The following RPS6KA6 variants were observed in gnomAD, a reference collection of about 807,000 sequenced individuals.
The protein encoded by RPS6KA6 is ribosomal protein S6 kinase alpha-6.
RPS6KA6 carries 27 observed loss-of-function variants against 65.4 expected under a neutral mutation model. That is an observed-to-expected ratio of 0.41 (90% confidence interval 0.30 to 0.57). The LOEUF is 0.57. RPS6KA6 is among the 20% of genes least tolerant of loss of function. RPS6KA6 has a pLI of 0.24. For synonymous variants in RPS6KA6, 190 were observed against 184.2 expected, an observed-to-expected ratio of 1.03 and a Z score of -0.26; for missense variants, 486 against 555.6, an observed-to-expected ratio of 0.87 and a Z score of 1.26.
At chrX:84,117,320 A>T (rs1277275160) in intron 10 of RPS6KA6, 64 bp downstream of exon 10, 4 of 796,373 alleles carry the variant, frequency 5.0e-6, no homozygotes, top group Admixed American at 7.8e-5. Flanking sequence ...AACCGCAATA[A>T]TTTTTTCAAA....
intron 8 of RPS6KA6, among the ~76,000 whole-genome samples, chrX:84,127,614 C>A (rs778190322): frequency 9.0e-6 from 1 of 110,957 alleles, no homozygotes; most frequent in Non-Finnish European, 1.9e-5. Flanking sequence ...AAAGACTGTT[C>A]ATCATGACCA....
intron 2 of RPS6KA6, among the ~76,000 whole-genome samples, chrX:84,157,470 A>AAAAAGT (rs1369929808): frequency 9.0e-6 from 1 of 111,640 alleles, no homozygotes; most frequent in Non-Finnish European, 1.9e-5. Context: ...TCCTTTTTTA[A>AAAAAGT]AAAAGTAAAC....
At chrX:84,171,847 G>C (rs1051738388) in intron 1 of RPS6KA6, among the ~76,000 whole-genome samples, 1 of 109,880 alleles carries the variant, frequency 9.1e-6, no homozygotes, top group Non-Finnish European at 1.9e-5. Context: ...GCCAACCCCC[G>C]ACATACCCCA....
In RPS6KA6 at chrX:84,062,080, T is replaced by A. The variant is rs1420251432; in HGVS notation, c.*2197A>T. ...GGGTACATCCAGTAGCATACCTGTA[T>A]CTTTTATACACTGTCAGTCCTCACT... On this transcript the variant is annotated 3_prime_UTR_variant, in exon 22 of 22. Coordinates refer to ENST00000262752, the MANE Select transcript of RPS6KA6 (RefSeq NM_014496.5). 1 of 111,698 alleles carries A rather than the reference T, an allele frequency of 9.0e-6. No homozygotes were observed. The highest frequency in any genetic ancestry group is 9.5e-5 in the Admixed American group (1 of 10,543). The allele number at this position is 111,698 out of a possible 1,213,427, so 9.2% of individuals were successfully genotyped here.
chrX:84,062,335 T>C lies in RPS6KA6; in HGVS notation c.*1942A>G, dbSNP rs1376711521. 3 of 111,735 alleles carry C rather than the reference T, an allele frequency of 2.7e-5. No individual in the cohort carries two copies. The East Asian group carries it at 8.4e-4, about 31-fold the overall frequency. The allele number at this position is 111,735 out of a possible 1,213,427, so 9.2% of individuals were successfully genotyped here. A position where few individuals can be genotyped will look rare whatever the true frequency, so the allele number is the denominator to read the frequency against. The stretch of plus-strand genomic sequence containing the variant: ...TTAAAATGCATCCATGGAAATAGTA[T>C]CTCTGTCCTGAAAACTTCAACACCA... On this transcript the variant is annotated 3_prime_UTR_variant, in exon 22 of 22. Coordinates refer to ENST00000262752, the MANE Select transcript of RPS6KA6 (RefSeq NM_014496.5).
At chrX:84,122,916 C>G (rs2034706341) in intron 8 of RPS6KA6, among the ~76,000 whole-genome samples, 1 of 111,587 alleles carries the variant, frequency 9.0e-6, no homozygotes. Flanking sequence ...CCAGACAGCA[C>G]AGCAACAAAA....
At position 84,063,446 on chromosome X, in the gene RPS6KA6, T is replaced by G. The variant is rs1292861169; in HGVS notation, c.*831A>C. 9.0e-6 allele frequency: 1 copy of G among 111,278 alleles called. No individual in the cohort carries two copies. Among genetic ancestry groups the G allele is most frequent in the African/African-American group, 3.3e-5 (1 of 30,632 alleles). 9.2% of individuals were successfully genotyped at this position (111,278 alleles called of 1,213,427 possible). On this transcript the variant is annotated 3_prime_UTR_variant, in exon 22 of 22. Transcript: ENST00000262752. ...GTCAGTTTATATAACACCAGGATAG[T>G]GTCAACACCACATACTTCATTTTCA...
chrX:84,093,617 C>A (rs1057007946), intron 20 of RPS6KA6, among the ~76,000 whole-genome samples: 1 of 112,231 alleles, frequency 8.9e-6, no homozygotes, highest in South Asian at 3.7e-4. Flanking sequence ...ATTACTTAAA[C>A]ACCAGATAGG....
intron 20 of RPS6KA6, among the ~76,000 whole-genome samples, chrX:84,091,426 G>A (rs1366131643): frequency 8.9e-6 from 1 of 112,368 alleles, no homozygotes; most frequent in Non-Finnish European, 1.9e-5. Context: ...TCCTAAGTGT[G>A]AAGAACAAAA....
intron 12 of RPS6KA6, among the ~76,000 whole-genome samples, chrX:84,110,571 T>A (rs974367421): frequency 1.2e-4 from 13 of 111,900 alleles, no homozygotes; most frequent in African/African-American, 4.2e-4. Context: ...TAGATTGAAC[T>A]GTAAAACCCA....
intron 8 of RPS6KA6, among the ~76,000 whole-genome samples, chrX:84,127,779 A>T (rs1037540842): frequency 6.7e-5 from 7 of 104,502 alleles, no homozygotes; most frequent in Non-Finnish European, 1.4e-4. Flanking sequence ...CTTCATGATA[A>T]AAAAAAAAAC....
At position 84,187,905 on chromosome X, in the gene RPS6KA6, C is replaced by T. The variant is rs1279749843; in HGVS notation, c.-6G>A. 8.4e-7 allele frequency: 1 copy of T among 1,188,155 alleles called. No individual in the cohort carries two copies. The highest frequency in any genetic ancestry group is 1.1e-6 in the Non-Finnish European group (1 of 882,427). ...TGAGGAGCGAATGGTAGCATCTCCCCTTCAGGAGCACTCAAACAGGAGCTG... is the reference window on the plus strand; with the variant it reads ...TGAGGAGCGAATGGTAGCATCTCCCTTTCAGGAGCACTCAAACAGGAGCTG... On this transcript the variant is annotated 5_prime_UTR_variant, in exon 1 of 22. Coordinates refer to ENST00000262752, the MANE Select transcript of RPS6KA6 (RefSeq NM_014496.5).
At chrX:84,142,008 T>G (rs1017886280) in intron 6 of RPS6KA6, among the ~76,000 whole-genome samples, 19 of 111,516 alleles carry the variant, frequency 1.7e-4, no homozygotes, top group Admixed American at 1.5e-3. Flanking sequence ...AATATCACTA[T>G]CAAACAACTT....
chrX:84,147,232 T>G, intron 4 of RPS6KA6, among the ~76,000 whole-genome samples, 174 bp from the exon 5 acceptor site: 2 of 112,162 alleles, frequency 1.8e-5, no homozygotes, highest in Non-Finnish European at 3.8e-5. Flanking sequence ...AGCAAAAATA[T>G]TCATTACATC....
rs902112267 is a variant in RPS6KA6 at position 84,063,505 on chromosome X, C to T, written c.*772G>A. The T allele has an allele frequency of 9.0e-6, 1 of 110,989 alleles. No individual in the cohort carries two copies. The highest frequency in any genetic ancestry group is 3.3e-5 in the African/African-American group (1 of 30,551). The allele number at this position is 110,989 out of a possible 1,213,427, so 9.1% of individuals were successfully genotyped here. A position where few individuals can be genotyped will look rare whatever the true frequency, so the allele number is the denominator to read the frequency against. On this transcript the variant is annotated 3_prime_UTR_variant, in exon 22 of 22. Coordinates refer to ENST00000262752, the MANE Select transcript of RPS6KA6 (RefSeq NM_014496.5). ...ACTATGACCTATTTATAAGATTACA[C>T]CAACAGTATAAAGCCTTTGGAAAAA...
At position 84,097,821 on chromosome X, in the gene RPS6KA6, C is replaced by A. The variant is rs1177840877; in HGVS notation, c.1804G>T (p.Ala602Ser). The A allele has an allele frequency of 8.4e-7, 1 of 1,195,537 alleles. No individual in the cohort carries two copies. Among genetic ancestry groups the A allele is most frequent in the Non-Finnish European group, 1.1e-6 (1 of 884,269 alleles). Residue 602 changes from alanine (A) to serine (S), a missense_variant, in exon 19 of 22, where the codon GCT (alanine) becomes TCT (serine). By Grantham distance (99) the Ala-to-Ser change is moderately conservative. Around this residue, in one of 3 missense-constraint regions of RPS6KA6, gnomAD observed 345 missense variants for 375.0 expected, o/e 0.92. Coordinates refer to ENST00000262752, the MANE Select transcript of RPS6KA6 (RefSeq NM_014496.5). ...EVLMQQGYDAACDIWSLGVLF... is the reference protein window; with the variant it reads ...EVLMQQGYDASCDIWSLGVLF... Reference sequence around the variant, plus strand: ...ACTCCTAAACTCCAGATATCACAAGCAGCATCATATCCCTGTTGCATAAGA... The same window carrying A: ...ACTCCTAAACTCCAGATATCACAAGAAGCATCATATCCCTGTTGCATAAGA...
chrX:84,147,018 C>A lies in RPS6KA6; in HGVS notation c.381G>T (p.Leu127=). ...RVRTKMERDI[L]VEVNHPFIVK... ...CAATAAATGGATGATTTACTTCCAC[C>A]AGTATATCCCTCTCCATCTTTGTCC... Residue 127 remains leucine (L), a synonymous_variant, in exon 5 of 22, where the codon CTG becomes CTT. Coordinates refer to ENST00000262752, the MANE Select transcript of RPS6KA6 (RefSeq NM_014496.5). 1 of 1,184,380 alleles carries A rather than the reference C, an allele frequency of 8.4e-7. No individual in the cohort carries two copies. Among genetic ancestry groups the A allele is most frequent in the Non-Finnish European group, 1.1e-6 (1 of 875,941 alleles).
intron 18 of RPS6KA6, among the ~76,000 whole-genome samples, chrX:84,101,715 A>G (rs1470295674): frequency 9.0e-6 from 1 of 110,814 alleles, no homozygotes; most frequent in Non-Finnish European, 1.9e-5. Context: ...AGCCAGTTTC[A>G]TCATTTAGAA....
intron 20 of RPS6KA6, among the ~76,000 whole-genome samples, chrX:84,072,991 T>G (rs1007817866): frequency 2.7e-5 from 3 of 111,697 alleles, no homozygotes. Context: ...GCAATCTCTA[T>G]CAAGGTATCA....
Sources: gnomAD v4.1 joint callset for allele counts (sites outside exome capture counted in the v4.1 genomes callset) on GRCh38, gnomAD v4.1.1 for gene constraint, gnomAD v4.1.1 regional missense constraint, MANE v1.5 for transcripts, NCBI Gene and HGNC (gene_info 2026-07-23, HGNC 2026-07-21) for gene names.